Variants in MAP3K13 observed in about 807,000 individuals in gnomAD.
MAP3K13 encodes the protein mitogen-activated protein kinase kinase kinase 13.
Under a neutral mutation model 104.0 loss-of-function variants are expected in MAP3K13, and 52 were observed. That is an observed-to-expected ratio of 0.50 (90% CI 0.40 to 0.63). The LOEUF is 0.63. MAP3K13 is among the 20% of genes least tolerant of loss of function. The probability of loss-of-function intolerance (pLI) is 0.00; values close to 1 mark genes in which losing one functional copy is unlikely to be tolerated. For missense variants in MAP3K13, 914 were observed against 1,218.5 expected (o/e 0.75, Z 3.72); for synonymous variants, 394 against 442.2 (o/e 0.89, Z 1.37).
chr3:185,402,371 G>C (rs1212971565), intron 1 of MAP3K13, among the ~76,000 whole-genome samples: 1 of 151,492 alleles, frequency 6.6e-6, no homozygotes, highest in Non-Finnish European at 1.5e-5. Context: ...TTTTGCTTTG[G>C]GTGGTTTTTT....
chr3:185,473,295 G>A lies in MAP3K13; in HGVS notation c.1964G>A (p.Arg655Lys). 6.2e-7 allele frequency: 1 copy of A among 1,614,130 alleles called. No homozygotes were observed. Among genetic ancestry groups the A allele is most frequent in the Non-Finnish European group, 8.5e-7 (1 of 1,180,018 alleles). The stretch of plus-strand genomic sequence containing the variant: ...GCCATGTCCCAGAGTCACCATCCCA[G>A]ACTCAATATGCACGGACAGGACATA... The part of the protein sequence containing the change: ...PPAMSQSHHP[R>K]LNMHGQDIAT... Residue 655 changes from arginine to lysine, a missense_variant, in exon 11 of 14, where the codon AGA becomes AAA. By Grantham distance (26) the Arg-to-Lys change is conservative. This residue lies in a region of MAP3K13 where 583 missense variants were observed against 737.4 expected (regional missense o/e 0.79). Coordinates refer to ENST00000265026, the MANE Select transcript of MAP3K13 (RefSeq NM_004721.5). This position sits in a 1 kb window ranked among gnomAD's most constrained non-coding sequence, Gnocchi z 4.9.
chr3:185,423,307 C>T lies in MAP3K13; in HGVS notation c.-85-5190C>T, dbSNP rs189948562. Reference sequence around the variant, plus strand: ...GTGCCAAAGAGGTTGGGGACTGCTGCTGTATAGGATAACCAAGAGTCCTGG... The same window carrying T: ...GTGCCAAAGAGGTTGGGGACTGCTGTTGTATAGGATAACCAAGAGTCCTGG... On this transcript the variant is annotated intron_variant, in intron 1 of 13. Transcript: ENST00000265026. This position sits in a 1 kb window ranked among gnomAD's most constrained non-coding sequence, Gnocchi z 4.1. Among the ~76,000 whole-genome samples the T allele has an allele frequency of 7.9e-5, 12 of 152,310 alleles. No homozygotes were observed.
intron 2 of MAP3K13, among the ~76,000 whole-genome samples, chr3:185,323,562 A>G (rs1721942056): frequency 1.3e-5 from 2 of 151,988 alleles, no homozygotes; most frequent in African/African-American, 4.8e-5. Flanking sequence ...CGAACTCCCG[A>G]CCTCAGGTGA....
chr3:185,310,422 C>T (rs991240716), intron 2 of MAP3K13, among the ~76,000 whole-genome samples: 3 of 152,064 alleles, frequency 2.0e-5, no homozygotes, highest in African/African-American at 7.2e-5. Context: ...GACCCAGACC[C>T]AGAGATGACT....
At chr3:185,453,404 GC>G (rs1045631659) in intron 7 of MAP3K13, among the ~76,000 whole-genome samples, 1 of 151,928 alleles carries the variant, frequency 6.6e-6, no homozygotes, top group Non-Finnish European at 1.5e-5. Context: ...CCTTCTCATA[GC>G]CCCCCATCCC....
intron 4 of MAP3K13, 31 bp from the exon 5 acceptor site, chr3:185,447,755 GATC>G: frequency 6.5e-7 from 1 of 1,535,914 alleles, no homozygotes; most frequent in Non-Finnish European, 8.8e-7. Context: ...TAGTACTAAT[GATC>G]CAGATGTTTT....
intron 1 of MAP3K13, among the ~76,000 whole-genome samples, chr3:185,378,834 G>C (rs1329220840): frequency 6.6e-6 from 1 of 152,198 alleles, no homozygotes; most frequent in Non-Finnish European, 1.5e-5. Flanking sequence ...TCTAGGTCTT[G>C]TAGGATGGAG....
intron 2 of MAP3K13, among the ~76,000 whole-genome samples, chr3:185,327,565 G>A (rs748346484): frequency 6.6e-6 from 1 of 152,152 alleles, no homozygotes; most frequent in South Asian, 2.1e-4. Context: ...TGTTCATAAA[G>A]TGATTAGTGC....
intron 1 of MAP3K13, among the ~76,000 whole-genome samples, chr3:185,370,487 C>T (rs922406759): frequency 7.2e-5 from 11 of 152,052 alleles, no homozygotes; most frequent in African/African-American, 2.2e-4. Flanking sequence ...TGACCCACTG[C>T]GCCCGGTCCT....
At chr3:185,374,559 G>T (rs985065563) in intron 1 of MAP3K13, among the ~76,000 whole-genome samples, 1 of 152,154 alleles carries the variant, frequency 6.6e-6, no homozygotes, top group Admixed American at 6.5e-5. Flanking sequence ...AGAAAAACAG[G>T]TATTAAAGGA....
At chr3:185,319,851 A>G (rs907816206) in intron 2 of MAP3K13, among the ~76,000 whole-genome samples, 2 of 152,226 alleles carry the variant, frequency 1.3e-5, no homozygotes, top group African/African-American at 2.4e-5. Flanking sequence ...TTCTTTGACA[A>G]TGTGACAGCA....
intron 5 of MAP3K13, among the ~76,000 whole-genome samples, chr3:185,448,543 A>G (rs1193216882): frequency 6.6e-6 from 1 of 152,234 alleles, no homozygotes; most frequent in South Asian, 2.1e-4. Flanking sequence ...ATTGGCAACT[A>G]GTAACTTCTA....
At position 185,301,220 on chromosome 3, in the gene MAP3K13, T is replaced by C. The variant is rs531146652; in HGVS notation, c.-86+15577T>C. Among the ~76,000 whole-genome samples the C allele has an allele frequency of 9.9e-5, 15 of 152,252 alleles. No homozygotes were observed. In the South Asian group the frequency reaches 1.4e-3, roughly 15 times the overall value. On this transcript the variant is annotated intron_variant, in intron 2 of 14. Coordinates refer to the MAP3K13 transcript ENST00000424227. The stretch of plus-strand genomic sequence containing the variant: ...TTTTAATTTCCCTTTCCCTGATGGT[T>C]ATTGATGTTGAGGATCTTTTCATAT...
intron 1 of MAP3K13, among the ~76,000 whole-genome samples, chr3:185,373,741 C>G (rs1724273975): frequency 1.3e-5 from 2 of 151,830 alleles, no homozygotes; most frequent in Non-Finnish European, 2.9e-5. Context: ...TTCTGTTTCT[C>G]AATTCCCATC....
rs1715100496 is a variant in MAP3K13 at position 185,437,399 on chromosome 3, G to A, written c.476-48G>A. 3 of 1,536,764 alleles carry A rather than the reference G, an allele frequency of 2.0e-6. No homozygotes were observed. In the Admixed American group the frequency reaches 5.4e-5, roughly 28 times the overall value. ...TACCTTCAGAATGGCCTTGTAGAGT[G>A]GTCCCTTCTGAGATCTCTTCAAGCT... is the stretch of plus-strand genomic sequence containing the variant. On this transcript the variant is annotated intron_variant, in intron 2 of 13. Coordinates refer to ENST00000265026, the MANE Select transcript of MAP3K13 (RefSeq NM_004721.5).
rs1380342168 is a variant in MAP3K13, at chr3:185,430,382, G to T, written c.475+1326G>T. The stretch of plus-strand genomic sequence containing the variant: ...TATATAGGTAAACTTGTGCCATGGG[G>T]ATTTACTGTACAGATTATTTCATCA... On this transcript the variant is annotated intron_variant, in intron 2 of 13. Transcript: ENST00000265026. 2.0e-5 allele frequency among the ~76,000 whole-genome samples: 3 copies of T among 152,058 alleles called. No individual in the cohort carries two copies. In the East Asian group the frequency reaches 5.8e-4, roughly 29 times the overall value.
chr3:185,338,207 A>G (rs1191083207), intron 2 of MAP3K13, among the ~76,000 whole-genome samples: 1 of 151,422 alleles, frequency 6.6e-6, no homozygotes, highest in Non-Finnish European at 1.5e-5. Context: ...GCGTGCTCCT[A>G]TAATCCCAGC....
intron 1 of MAP3K13, among the ~76,000 whole-genome samples, chr3:185,372,534 A>G (rs901314203): frequency 6.6e-6 from 1 of 152,198 alleles, no homozygotes; most frequent in South Asian, 2.1e-4. Flanking sequence ...CTTTTCTCCA[A>G]TCAGGGCTTC....
At chr3:185,457,061 G>A (rs1046073210) in intron 7 of MAP3K13, among the ~76,000 whole-genome samples, 31 of 152,100 alleles carry the variant, frequency 2.0e-4, no homozygotes, top group African/African-American at 6.0e-4. Flanking sequence ...CTCCTAAAAC[G>A]TCACTTCTGA....
Sources: allele counts gnomAD v4.1 joint callset (sites outside exome capture counted in the v4.1 genomes callset), GRCh38; gene constraint gnomAD v4.1.1; regional missense constraint gnomAD v4.1.1; non-coding constraint Gnocchi (gnomAD v3.1); transcripts MANE v1.5; gene names NCBI Gene and HGNC (gene_info 2026-07-23, HGNC 2026-07-21).